Variants in LRRC20 observed in about 807,000 individuals in gnomAD.
LRRC20 encodes the protein leucine-rich repeat-containing protein 20.
In LRRC20, 11 loss-of-function variants were observed where a neutral mutation model predicts 14.4. The ratio of observed to expected loss-of-function variants is 0.77; its 90% CI spans 0.48 to 1.27. The LOEUF (loss-of-function observed/expected upper bound fraction) is 1.27, where lower values mean the gene tolerates loss of function less well. Among genes scored for constraint, LRRC20 ranks in the 50% most tolerant of loss-of-function variants. The pLI is 0.00. For synonymous variants in LRRC20, 121 were observed against 107.3 expected, an observed-to-expected ratio of 1.13 and a Z score of -0.79; for missense variants, 219 against 251.2, an observed-to-expected ratio of 0.87 and a Z score of 0.87.
chr10:70,304,146 C>T (rs561731061), intron 4 of LRRC20, among the ~76,000 whole-genome samples: 2 of 152,162 alleles, frequency 1.3e-5, no homozygotes, highest in East Asian at 1.9e-4. Context: ...TTGCCCTCGA[C>T]GCGTGCCCTG....
intron 2 of LRRC20, among the ~76,000 whole-genome samples, chr10:70,372,337 A>G (rs1181658306): frequency 2.0e-5 from 3 of 151,928 alleles, no homozygotes; most frequent in East Asian, 1.9e-4. Context: ...TCTTTCCTAC[A>G]TATATGCACA....
At chr10:70,343,674 T>A (rs1038898998) in intron 2 of LRRC20, among the ~76,000 whole-genome samples, 1 of 151,904 alleles carries the variant, frequency 6.6e-6, no homozygotes, top group Admixed American at 6.6e-5. Flanking sequence ...CTAAAAAGAG[T>A]AATCGTTCCA....
intron 4 of LRRC20, among the ~76,000 whole-genome samples, chr10:70,322,483 C>CG (rs1234723448): frequency 2.6e-5 from 4 of 152,174 alleles, no homozygotes; most frequent in African/African-American, 9.6e-5. Flanking sequence ...CAGGACAGCA[C>CG]GGGAGGGAGA....
intron 3 of LRRC20, among the ~76,000 whole-genome samples, chr10:70,337,537 C>T: frequency 6.6e-6 from 1 of 152,182 alleles, no homozygotes; most frequent in East Asian, 1.9e-4. Context: ...ATTTCCGCAT[C>T]CCACAGATGC....
At position 70,299,298 on chromosome 10, in the gene LRRC20, C is replaced by G. The variant is rs1354796399; in HGVS notation, c.*2056G>C. Reference sequence around the variant, plus strand: ...GCAGACTCTGGAACAATCTAACAGGCCAAGTGTCTCCCAGGGTGGGTTAGG... The same window carrying G: ...GCAGACTCTGGAACAATCTAACAGGGCAAGTGTCTCCCAGGGTGGGTTAGG... On this transcript the variant is annotated 3_prime_UTR_variant, in exon 5 of 5. Transcript: ENST00000446961. The G allele has an allele frequency of 6.6e-6, 1 of 152,258 alleles. No homozygotes were observed. Among genetic ancestry groups the G allele is most frequent in the Admixed American group, 6.5e-5 (1 of 15,282 alleles). The allele number at this position is 152,258 out of a possible 1,614,324, so 9.4% of individuals were successfully genotyped here.
At chr10:70,302,441 T>C (rs996273293) in intron 4 of LRRC20, among the ~76,000 whole-genome samples, 2 of 152,190 alleles carry the variant, frequency 1.3e-5, no homozygotes, top group African/African-American at 4.8e-5. Context: ...GAACAGAGGT[T>C]CCCAGGGGCT....
At chr10:70,378,659 C>T (rs1303154229) in intron 1 of LRRC20, among the ~76,000 whole-genome samples, 3 of 151,248 alleles carry the variant, frequency 2.0e-5, no homozygotes, top group Non-Finnish European at 2.9e-5. Context: ...TGGTGGCGGG[C>T]GCCTCGGGAA....
intron 4 of LRRC20, among the ~76,000 whole-genome samples, chr10:70,312,677 A>C (rs1589944621): frequency 6.6e-6 from 1 of 152,128 alleles, no homozygotes; most frequent in Non-Finnish European, 1.5e-5. Flanking sequence ...ACAGACCCTA[A>C]TTTTGGCACT....
At chr10:70,323,647 C>T (rs559084489) in intron 4 of LRRC20, among the ~76,000 whole-genome samples, 5 of 152,292 alleles carry the variant, frequency 3.3e-5, no homozygotes, top group South Asian at 2.1e-4. Flanking sequence ...AAGCCAAGGC[C>T]GTCTACCTGC....
At chr10:70,365,814 T>C (rs1843965879) in intron 2 of LRRC20, among the ~76,000 whole-genome samples, 1 of 152,206 alleles carries the variant, frequency 6.6e-6, no homozygotes, top group South Asian at 2.1e-4. Flanking sequence ...CTCACGCCTG[T>C]AATCCCAGCA....
At chr10:70,324,051 G>A in intron 3 of LRRC20, 21 bp from the exon 4 acceptor site, 1 of 1,612,376 alleles carries the variant, frequency 6.2e-7, no homozygotes, top group Non-Finnish European at 8.5e-7. Flanking sequence ...CAGGGAAGGA[G>A]AGAGAACAGG....
At chr10:70,352,264 C>A (rs997428167) in intron 2 of LRRC20, among the ~76,000 whole-genome samples, 1 of 151,618 alleles carries the variant, frequency 6.6e-6, no homozygotes, top group Non-Finnish European at 1.5e-5. Context: ...AAATCTGAAA[C>A]GCAATACCAA....
At chr10:70,364,815 G>A (rs112639422) in intron 2 of LRRC20, among the ~76,000 whole-genome samples, 267 of 152,232 alleles carry the variant, frequency 1.8e-3, no homozygotes, top group African/African-American at 6.3e-3. Context: ...TCCCAGCCTA[G>A]CTGCTCAGGT....
chr10:70,336,657 T>C (rs563623890), intron 3 of LRRC20, among the ~76,000 whole-genome samples: 1 of 152,360 alleles, frequency 6.6e-6, no homozygotes, highest in South Asian at 2.1e-4. Context: ...ACCTGAAGTC[T>C]TCCCTTTTTT....
intron 4 of LRRC20, among the ~76,000 whole-genome samples, chr10:70,302,351 C>T (rs1366838302): frequency 6.6e-6 from 1 of 151,992 alleles, no homozygotes; most frequent in Non-Finnish European, 1.5e-5. Flanking sequence ...AGAAAGAAGG[C>T]AGGCACAAAA....
chr10:70,330,147 C>G (rs1373670435), intron 3 of LRRC20, among the ~76,000 whole-genome samples: 3 of 152,108 alleles, frequency 2.0e-5, no homozygotes, highest in Non-Finnish European at 4.4e-5. Context: ...ATGCCCTTCC[C>G]TTCTATTTTC....
chr10:70,306,445 T>C lies in LRRC20; in HGVS notation c.401-4937A>G, dbSNP rs1221509252. Among the ~76,000 whole-genome samples the C allele has an allele frequency of 2.0e-5, 3 of 152,162 alleles. 1 individual carries two copies. Among genetic ancestry groups the C allele is most frequent in the South Asian group, 4.1e-4 (2 of 4,824 alleles). On this transcript the variant is annotated intron_variant, in intron 4 of 4. Coordinates refer to ENST00000446961, the MANE Select transcript of LRRC20 (RefSeq NM_001278212.2). ...TATGACATTGATATTGGAGGAGTAGTGCACTGCCCCCTTCCCTTTTTAAAA... is the reference window on the plus strand; with the variant it reads ...TATGACATTGATATTGGAGGAGTAGCGCACTGCCCCCTTCCCTTTTTAAAA...
chr10:70,317,085 T>C (rs1306054370), intron 4 of LRRC20, among the ~76,000 whole-genome samples: 1 of 152,236 alleles, frequency 6.6e-6, no homozygotes, highest in African/African-American at 2.4e-5. Context: ...TCCCTCCAGA[T>C]GGGCTTGGAG....
intron 2 of LRRC20, among the ~76,000 whole-genome samples, chr10:70,373,896 C>G (rs921115480): frequency 6.6e-6 from 1 of 152,216 alleles, no homozygotes; most frequent in East Asian, 1.9e-4. Flanking sequence ...GGCTCCCAGG[C>G]AGTGCAGGGG....
Sources: allele counts gnomAD v4.1 joint callset (sites outside exome capture counted in the v4.1 genomes callset), GRCh38; gene constraint gnomAD v4.1.1; transcripts MANE v1.5; gene names NCBI Gene and HGNC (gene_info 2026-07-23, HGNC 2026-07-21).